The following COL6A1 variants were observed in gnomAD, a reference collection of about 807,000 sequenced individuals.
COL6A1 encodes the protein collagen alpha-1(VI) chain.
In COL6A1, 80 loss-of-function variants were observed where a neutral mutation model predicts 145.6. That is an observed-to-expected ratio of 0.55 (90% CI 0.46 to 0.66). The LOEUF (loss-of-function observed/expected upper bound fraction) is 0.66. Among genes scored for constraint, COL6A1 ranks in the 30% least tolerant of loss-of-function variants. COL6A1 has a pLI of 0.00. For missense variants in COL6A1, 1,364 were observed against 1,473.8 expected (o/e 0.93, Z 1.22); for synonymous variants, 638 against 622.8 (o/e 1.02, Z -0.36).
intron 31 of COL6A1, 47 bp from the exon 32 acceptor site, chr21:46,002,171 G>A (rs530701105): frequency 1.1e-5 from 18 of 1,572,338 alleles, no homozygotes; most frequent in Middle Eastern, 1.9e-4. Context: ...GCTCGGCCCC[G>A]CGGCAGGCCT....
chr21:45,992,375 C>A lies in COL6A1; in HGVS notation c.1249C>A (p.Pro417Thr). Reference sequence around the variant, plus strand: ...CTCTTCATCCCAGGGGAACCCAGGACCTGACGGTGCCCCCGGGGAGCGGGT... The same window carrying A: ...CTCTTCATCCCAGGGGAACCCAGGAACTGACGGTGCCCCCGGGGAGCGGGT... ...GEAGDEGNPG[P>T]DGAPGERGGP... Residue 417 changes from proline (P) to threonine (T), a missense_variant, in exon 18 of 35, where the codon CCT (proline) becomes ACT (threonine). Around this residue, in one of 3 missense-constraint regions of COL6A1, gnomAD observed 938 missense variants for 1,003.8 expected, o/e 0.93. Transcript: ENST00000361866. 6.2e-7 allele frequency: 1 copy of A among 1,613,566 alleles called. No individual in the cohort carries two copies.
At chr21:45,982,904 C>T (rs1252080821) in intron 2 of COL6A1, 141 bp downstream of exon 2, 5 of 1,235,644 alleles carry the variant, frequency 4.0e-6, no homozygotes, top group Non-Finnish European at 5.8e-6. Flanking sequence ...CCCCTCCCGG[C>T]GCCCTCCAGA....
At position 46,002,213 on chromosome 21, in the gene COL6A1, T is replaced by C; in HGVS notation, c.2067-5T>C. 6.3e-7 allele frequency: 1 copy of C among 1,599,300 alleles called. No homozygotes were observed. The highest frequency in any genetic ancestry group is 8.5e-7 in the Non-Finnish European group (1 of 1,176,132). On this transcript the variant is annotated splice_polypyrimidine_tract_variant and splice_region_variant and intron_variant, in intron 31 of 34. Coordinates refer to ENST00000361866, the MANE Select transcript of COL6A1 (RefSeq NM_001848.3). The stretch of plus-strand genomic sequence containing the variant: ...AACCGGCCCTTCCTGCCCTTTGCTA[T>C]GCAGAGCCATCAAGAGCCTGCAGTG...
intron 27 of COL6A1, among the ~76,000 whole-genome samples, chr21:46,000,006 CCCGTGAGGATCATGGGGGACCCGT>C (rs2077833160): frequency 1.5e-4 from 1 of 6,494 alleles, no homozygotes; most frequent in African/African-American, 8.1e-4. Flanking sequence ...TCATGGGGGA[CCCGTGAGGATCATGGGGGACCCGT>C]GTGAGGATCA....
intron 13 of COL6A1, 51 bp downstream of exon 13, chr21:45,990,473 G>T: frequency 2.1e-6 from 1 of 481,274 alleles, no homozygotes; most frequent in Non-Finnish European, 2.9e-6. Context: ...GGAATGGGGC[G>T]AGATGGGGAG....
At chr21:45,995,456 G>C (rs1201890864) in intron 20 of COL6A1, among the ~76,000 whole-genome samples, 1 of 152,230 alleles carries the variant, frequency 6.6e-6, no homozygotes, top group Non-Finnish European at 1.5e-5. Context: ...TTCCAGGCTT[G>C]GGAGGCTGCT....
At position 45,994,538 on chromosome 21, in the gene COL6A1, GTTGGAGCCCC is replaced by G. The variant is rs1367262172; in HGVS notation, c.1398+311_1398+320del. 1.3e-5 allele frequency among the ~76,000 whole-genome samples: 2 copies of G among 152,152 alleles called. No homozygotes were observed. The highest frequency in any genetic ancestry group is 2.9e-5 in the Non-Finnish European group (2 of 68,030). On this transcript the variant is annotated intron_variant, in intron 20 of 34. Transcript: ENST00000361866. This position sits in a 1 kb window ranked among gnomAD's most constrained non-coding sequence, Gnocchi z 6.8. ...GGGTGCCTCACAGTGAGGAAGAGGT[GTTGGAGCCCC>G]TGGGAGACACTGGGAGCTTGGTCAG... is the stretch of plus-strand genomic sequence containing the variant.
At chr21:45,999,089 C>T (rs905421628) in intron 25 of COL6A1, 64 bp from the exon 26 acceptor site, 36 of 1,545,394 alleles carry the variant, frequency 2.3e-5, no homozygotes, top group Non-Finnish European at 3.0e-5. Flanking sequence ...GCTCTGTGGA[C>T]GGGGCCAGCG....
Position 46,003,691 on chromosome 21 carries a change from A to C in COL6A1, c.2765A>C (p.Tyr922Ser). 6.2e-7 allele frequency: 1 copy of C among 1,613,082 alleles called. No individual in the cohort carries two copies. Among genetic ancestry groups the C allele is most frequent in the Non-Finnish European group, 8.5e-7 (1 of 1,179,942 alleles). Reference protein sequence around the residue: ...DATDVNDALGYVTRFYREASS... With the variant: ...DATDVNDALGSVTRFYREASS... Reference sequence around the variant, plus strand: ...ACCGACGTCAACGATGCCCTGGGCTATGTGACCCGCTTCTACCGCGAGGCC... The same window carrying C: ...ACCGACGTCAACGATGCCCTGGGCTCTGTGACCCGCTTCTACCGCGAGGCC... Residue 922 changes from tyrosine to serine, a missense_variant, in exon 35 of 35, where the codon TAT becomes TCT. By Grantham distance (144) the Tyr-to-Ser change is moderately radical. Transcript: ENST00000361866.
chr21:45,987,395 C>T (rs2077745635), intron 6 of COL6A1, 104 bp from the exon 7 acceptor site: 1 of 1,547,048 alleles, frequency 6.5e-7, no homozygotes, highest in Non-Finnish European at 8.9e-7. Flanking sequence ...GTGCGTCCAT[C>T]CGTGTGTCCG....
chr21:45,981,911 G>A lies in COL6A1; in HGVS notation c.61G>A (p.Asp21Asn). Residue 21 changes from aspartate (D) to asparagine (N), a missense_variant, in exon 1 of 35, where the codon GAT becomes AAT. Physicochemically the swap from Asp to Asn is conservative, Grantham distance 23 (BLOSUM62 1). This residue lies in a region of COL6A1 where 414 missense variants were observed against 437.6 expected (regional missense o/e 0.95). Transcript: ENST00000361866. Reference sequence around the variant, plus strand: ...GCAGGCCTGCTGGACAGCCGCGCAGGATGAGCCGGAGACCCCGAGGGCCGT... The same window carrying A: ...GCAGGCCTGCTGGACAGCCGCGCAGAATGAGCCGGAGACCCCGAGGGCCGT... ...LLQACWTAAQ[D>N]EPETPRAVAF... 2.5e-6 allele frequency: 4 copies of A among 1,607,444 alleles called. No homozygotes were observed. Among genetic ancestry groups the A allele is most frequent in the Non-Finnish European group, 3.4e-6 (4 of 1,178,208 alleles).
chr21:45,992,256 T>G, intron 17 of COL6A1, 39 bp downstream of exon 17: 5 of 1,613,640 alleles, frequency 3.1e-6, no homozygotes, highest in Non-Finnish European at 3.4e-6. Flanking sequence ...GGGAAGTGCA[T>G]GGCCTCAGCT....
intron 19 of COL6A1, among the ~76,000 whole-genome samples, chr21:45,993,451 G>T (rs1251397202): frequency 6.6e-6 from 1 of 152,216 alleles, no homozygotes; most frequent in African/African-American, 2.4e-5. Context: ...AGAGTGAAGG[G>T]GAGAGAATGC....
In COL6A1 at chr21:45,986,560, G is replaced by A; in HGVS notation, c.463G>A (p.Val155Met). 6.4e-7 allele frequency: 1 copy of A among 1,566,282 alleles called. No homozygotes were observed. The highest frequency in any genetic ancestry group is 8.7e-7 in the Non-Finnish European group (1 of 1,155,554). The change falls in exon 4 of 35, where the codon GTG becomes ATG. Residue 155 changes from valine to methionine, a missense_variant. This residue lies in a region of COL6A1 where 414 missense variants were observed against 437.6 expected (regional missense o/e 0.95). Coordinates refer to ENST00000361866, the MANE Select transcript of COL6A1 (RefSeq NM_001848.3). Reference sequence around the variant, plus strand: ...CCTGAAGGAGAATAAGTACCTGATTGTGGTGACCGACGGGCACCCCCTGGA... The same window carrying A: ...CCTGAAGGAGAATAAGTACCTGATTATGGTGACCGACGGGCACCCCCTGGA... ...SHLKENKYLI[V>M]VTDGHPLEGY...
chr21:45,990,189 G>A (rs1383506903), intron 11 of COL6A1, 69 bp from the exon 12 acceptor site: 1 of 1,596,600 alleles, frequency 6.3e-7, no homozygotes, highest in Non-Finnish European at 8.6e-7. Context: ...CCTCGCGTGG[G>A]CCTAAGCCAG....
chr21:45,995,824 C>G (rs2077801798), intron 20 of COL6A1, among the ~76,000 whole-genome samples: 1 of 152,232 alleles, frequency 6.6e-6, no homozygotes, highest in Non-Finnish European at 1.5e-5. Flanking sequence ...GAGGCAGGCA[C>G]TTGTTCACCT....
rs975880486 is a variant in COL6A1, at chr21:46,004,563, C to T, written c.*550C>T. On this transcript the variant is annotated 3_prime_UTR_variant, in exon 35 of 35. Coordinates refer to ENST00000361866, the MANE Select transcript of COL6A1 (RefSeq NM_001848.3). ...ACTTTACAATTAAACTCAAAGCAAG[C>T]TCTTCTCCTCAGCTTGGGGCAGCCA... 2 of 322,808 alleles carry T rather than the reference C, an allele frequency of 6.2e-6. No individual in the cohort carries two copies. The highest frequency in any genetic ancestry group is 4.4e-5 in the African/African-American group (2 of 45,630). The allele number at this position is 322,808 out of a possible 1,614,324, so 20.0% of individuals were successfully genotyped here. A position where few individuals can be genotyped will look rare whatever the true frequency, so the allele number is the denominator to read the frequency against.
chr21:45,991,737 GC>G (rs1451325838), intron 15 of COL6A1, among the ~76,000 whole-genome samples: 1 of 152,230 alleles, frequency 6.6e-6, no homozygotes, highest in African/African-American at 2.4e-5. Flanking sequence ...TGCCAGCCTG[GC>G]AAAGCTGTGC....
Position 45,991,132 on chromosome 21 carries a change from G to A in COL6A1, c.1119+91G>A, listed in dbSNP as rs117529466. On this transcript the variant is annotated intron_variant, in intron 15 of 34. Coordinates refer to ENST00000361866, the MANE Select transcript of COL6A1 (RefSeq NM_001848.3). ...CTCTCCTGGAAGCAAGTCCTGGTCC[G>A]AGCATGTCGGCCACCCGTGCGGCCT... 5.8e-3 allele frequency: 8,273 copies of A among 1,427,324 alleles called. 41 individuals carry two copies. The highest frequency in any genetic ancestry group is 6.5e-3 in the Non-Finnish European group (6,625 of 1,017,962). 88.4% of individuals were successfully genotyped at this position (1,427,324 alleles called of 1,614,324 possible).
Sources: allele counts gnomAD v4.1 joint callset (sites outside exome capture counted in the v4.1 genomes callset), GRCh38; gene constraint gnomAD v4.1.1; regional missense constraint gnomAD v4.1.1; non-coding constraint Gnocchi (gnomAD v3.1); transcripts MANE v1.5; gene names NCBI Gene and HGNC (gene_info 2026-07-23, HGNC 2026-07-21).